The following LRRC9 variants were observed in gnomAD, a reference collection of about 807,000 sequenced individuals.
LRRC9 encodes leucine rich repeat containing 9.
In LRRC9, 122 loss-of-function variants were observed where a neutral mutation model predicts 63.2. The observed-to-expected ratio is 1.93, with a 90% confidence interval of 1.67 to 2.24. LRRC9 has a LOEUF of 2.24. LRRC9 is among the 30% of genes most tolerant of loss of function. LRRC9 has a pLI of 0.00. For synonymous variants in LRRC9, 366 were observed against 213.1 expected, an observed-to-expected ratio of 1.72 and a Z score of -6.25; for missense variants, 1,071 against 627.7, an observed-to-expected ratio of 1.71 and a Z score of -7.55.
At chr14:60,052,686 T>C (rs1427675643) in intron 29 of LRRC9, among the ~76,000 whole-genome samples, 1 of 152,230 alleles carries the variant, frequency 6.6e-6, no homozygotes, top group African/African-American at 2.4e-5. Context: ...TATGAAGAGA[T>C]GGATCATGTA....
In LRRC9 at chr14:59,969,254, C is replaced by A. The variant is rs547467588; in HGVS notation, c.1506+2041C>A. Reference sequence around the variant, plus strand: ...CTCTCCTTTGGCATCCATGATATTACACTATTGTTATCCTCCTATTTTTCT... The same window carrying A: ...CTCTCCTTTGGCATCCATGATATTAAACTATTGTTATCCTCCTATTTTTCT... On this transcript the variant is annotated intron_variant, in intron 12 of 31. Transcript: ENST00000445360. 2.0e-5 allele frequency: 3 copies of A among 152,248 alleles called. No individual in the cohort carries two copies. The South Asian group carries it at 6.2e-4, about 32-fold the overall frequency. The allele number at this position is 152,248 out of a possible 1,614,324, so 9.4% of individuals were successfully genotyped here.
At chr14:59,973,708 A>G (rs1480871495) in intron 12 of LRRC9, among the ~76,000 whole-genome samples, 1 of 151,858 alleles carries the variant, frequency 6.6e-6, no homozygotes, top group African/African-American at 2.4e-5. Flanking sequence ...TTTTCAATCC[A>G]TGGTTGGTTG....
intron 27 of LRRC9, among the ~76,000 whole-genome samples, chr14:60,025,145 C>G (rs188670273): frequency 3.3e-5 from 5 of 151,870 alleles, no homozygotes; most frequent in Non-Finnish European, 5.9e-5. Flanking sequence ...GGCTGGAGTG[C>G]ATTGGCACAA....
chr14:60,058,166 C>T lies in LRRC9; in HGVS notation c.4276+144C>T. 1 of 453,524 alleles carries T rather than the reference C, an allele frequency of 2.2e-6. No individual in the cohort carries two copies. Among genetic ancestry groups the T allele is most frequent in the Non-Finnish European group, 4.0e-6 (1 of 251,934 alleles). 28.1% of individuals were successfully genotyped at this position (453,524 alleles called of 1,614,324 possible). A position where few individuals can be genotyped will look rare whatever the true frequency, so the allele number is the denominator to read the frequency against. On this transcript the variant is annotated intron_variant, in intron 31 of 31. Transcript: ENST00000445360. This position sits in a 1 kb window ranked among gnomAD's most constrained non-coding sequence, Gnocchi z 4.4. ...CATGTTTGCTCAAGTTTCCTATGGC[C>T]ATTTTGATTTCAGAGATTATAGTTT...
chr14:60,032,294 T>C (rs1418146626), intron 29 of LRRC9, among the ~76,000 whole-genome samples: 1 of 152,100 alleles, frequency 6.6e-6, no homozygotes, highest in Non-Finnish European at 1.5e-5. Context: ...GGCCTATTTT[T>C]CTATCCCTGT....
intron 29 of LRRC9, among the ~76,000 whole-genome samples, chr14:60,039,780 C>T (rs545882569): frequency 1.3e-5 from 2 of 152,044 alleles, no homozygotes; most frequent in South Asian, 4.2e-4. Flanking sequence ...CTGCTCTTAT[C>T]TTAGTTATTT....
At chr14:59,926,566 AT>A (rs1478372495) in intron 1 of LRRC9, among the ~76,000 whole-genome samples, 6 of 152,264 alleles carry the variant, frequency 3.9e-5, no homozygotes, top group African/African-American at 1.4e-4. Flanking sequence ...CCTAGATCAA[AT>A]AATACATTGT....
chr14:59,999,307 G>T lies in LRRC9; in HGVS notation c.2529+81G>T, dbSNP rs996910661. ...TTGCATACTCTTTTTCTGTCATTAA[G>T]ATTTTATAGTCCCTCTTAGCCTATT... On this transcript the variant is annotated intron_variant, in intron 19 of 31. Transcript: ENST00000445360. 53 of 583,154 alleles carry T rather than the reference G, an allele frequency of 9.1e-5. No homozygotes were observed. In the African/African-American group the frequency reaches 9.3e-4, roughly 10 times the overall value. 36.1% of individuals were successfully genotyped at this position (583,154 alleles called of 1,614,324 possible).
intron 24 of LRRC9, 125 bp downstream of exon 24, chr14:60,016,915 T>C: frequency 2.0e-6 from 1 of 490,586 alleles, no homozygotes; most frequent in Non-Finnish European, 3.7e-6. Flanking sequence ...AATTATCTAC[T>C]GTACTGAAAA....
chr14:59,979,258 A>G (rs915552021), intron 15 of LRRC9, among the ~76,000 whole-genome samples: 2 of 152,162 alleles, frequency 1.3e-5, no homozygotes, highest in Non-Finnish European at 2.9e-5. Context: ...AAATTTAAAA[A>G]ATTAAAAATC....
chr14:59,952,195 T>G (rs1459157042), intron 8 of LRRC9, among the ~76,000 whole-genome samples: 32 of 151,806 alleles, frequency 2.1e-4, no homozygotes, highest in African/African-American at 7.2e-4. Context: ...TGGGATATAG[T>G]CTCGTGGTGC....
Position 59,926,740 on chromosome 14 carries a change from C to T in LRRC9, c.-33-1171C>T, listed in dbSNP as rs556026976. On this transcript the variant is annotated intron_variant, in intron 1 of 31. Transcript: ENST00000445360. Reference sequence around the variant, plus strand: ...CTCATTGTGTGTCTCTTCTTTTGTTCAACATTTGTTTACGTGAAACTCACT... The same window carrying T: ...CTCATTGTGTGTCTCTTCTTTTGTTTAACATTTGTTTACGTGAAACTCACT... Among the ~76,000 whole-genome samples the T allele has an allele frequency of 1.1e-3, 161 of 152,172 alleles. 1 individual carries two copies. Among genetic ancestry groups the T allele is most frequent in the South Asian group, 2.3e-3 (11 of 4,818 alleles).
chr14:60,057,903 T>C, exon 31 of LRRC9: 1 of 688,288 alleles, frequency 1.5e-6, no homozygotes, highest in Non-Finnish European at 2.7e-6. Flanking sequence ...CACTCTCCTA[T>C]GGATGGCAGA....
chr14:60,010,104 C>T (rs912052041), intron 23 of LRRC9, among the ~76,000 whole-genome samples: 27 of 152,124 alleles, frequency 1.8e-4, no homozygotes, highest in Non-Finnish European at 2.8e-4. Flanking sequence ...AGACAGTGGT[C>T]CCCCCCTCAC....
chr14:59,985,817 CT>C (rs745938747), intron 17 of LRRC9, among the ~76,000 whole-genome samples: 23 of 152,054 alleles, frequency 1.5e-4, no homozygotes, highest in Non-Finnish European at 2.6e-4. Context: ...TTAGGTTGAA[CT>C]TTTGTTAGCA....
At chr14:59,952,254 CCCGATTTTCCAGGTG>C (rs1883231652) in intron 8 of LRRC9, among the ~76,000 whole-genome samples, 1 of 152,116 alleles carries the variant, frequency 6.6e-6, no homozygotes, top group Non-Finnish European at 1.5e-5. Context: ...GTGGGAGTGA[CCCGATTTTCCAGGTG>C]CGTCCGTCAC....
intron 12 of LRRC9, among the ~76,000 whole-genome samples, chr14:59,967,655 C>T (rs191696052): frequency 6.6e-6 from 1 of 152,340 alleles, no homozygotes; most frequent in African/African-American, 2.4e-5. Flanking sequence ...GCTGATCTTG[C>T]TTTATCATTG....
chr14:59,964,650 C>G lies in LRRC9; in HGVS notation c.1212-1939C>G, dbSNP rs1884653981. On this transcript the variant is annotated intron_variant, in intron 10 of 31. Transcript: ENST00000445360. The surrounding 1 kb of genome is among the most constrained non-coding windows in gnomAD (Gnocchi z 4.4). ...GTTTCTATCAGAGTGCAGAAAGCTT[C>G]CAGGACATGTTACTTAGGGGAAATT... Among the ~76,000 whole-genome samples the G allele has an allele frequency of 6.6e-6, 1 of 152,128 alleles. No homozygotes were observed. Among genetic ancestry groups the G allele is most frequent in the Admixed American group, 6.5e-5 (1 of 15,272 alleles).
Position 60,042,252 on chromosome 14 carries a change from G to T in LRRC9, c.3990+10189G>T, listed in dbSNP as rs219421. Among the ~76,000 whole-genome samples the T allele has an allele frequency of 0.74, 112,023 of 152,080 alleles. 43,740 individuals carry two copies. Among genetic ancestry groups the T allele is most frequent in the Non-Finnish European group, 0.87 (59,013 of 67,982 alleles). On this transcript the variant is annotated intron_variant, in intron 29 of 31. Transcript: ENST00000445360. The surrounding 1 kb of genome is among the most constrained non-coding windows in gnomAD (Gnocchi z 4.2). ...TTCTCAGATCTCAAACTCCATGCTG[G>T]GAGAAGCACTACTCTCTTCAAAGCT...
Sources: gnomAD v4.1 joint callset for allele counts (sites outside exome capture counted in the v4.1 genomes callset) on GRCh38, gnomAD v4.1.1 for gene constraint, Gnocchi (gnomAD v3.1) non-coding constraint, MANE v1.5 for transcripts, NCBI Gene and HGNC (gene_info 2026-07-23, HGNC 2026-07-21) for gene names.